MVB12B: variants seen among roughly 807,000 people sequenced by gnomAD.
MVB12B encodes the protein ESCRT-I complex subunit MVB12B.
In MVB12B, 16 loss-of-function variants were observed where a neutral mutation model predicts 41.6. That is an observed-to-expected ratio of 0.38 (90% confidence interval 0.26 to 0.58). The LOEUF (loss-of-function observed/expected upper bound fraction) is 0.58. Among genes scored for constraint, MVB12B ranks in the 20% least tolerant of loss-of-function variants. The probability of loss-of-function intolerance (pLI) is 0.62; values close to 1 mark genes in which losing one functional copy is unlikely to be tolerated. For synonymous variants in MVB12B, 133 were observed against 139.7 expected (o/e 0.95, Z 0.34); for missense variants, 274 against 380.2 (o/e 0.72, Z 2.32).
chr9:126,404,112 C>A (rs948825492), intron 6 of MVB12B, among the ~76,000 whole-genome samples: 2 of 151,988 alleles, frequency 1.3e-5, no homozygotes, highest in African/African-American at 4.8e-5. Context: ...TGCCACCACG[C>A]CTAGCTAATT....
At chr9:126,471,416 G>C (rs927050077) in intron 7 of MVB12B, among the ~76,000 whole-genome samples, 1 of 152,202 alleles carries the variant, frequency 6.6e-6, no homozygotes. Context: ...CGGGGGACTC[G>C]GGAGGCTCCG....
chr9:126,441,328 T>C (rs1482503485), intron 7 of MVB12B, among the ~76,000 whole-genome samples: 1 of 152,184 alleles, frequency 6.6e-6, no homozygotes, highest in Non-Finnish European at 1.5e-5. Flanking sequence ...AATGAATTAC[T>C]CTCACTAGGA....
chr9:126,490,576 G>A (rs953645382), intron 9 of MVB12B, among the ~76,000 whole-genome samples: 1 of 152,182 alleles, frequency 6.6e-6, no homozygotes, highest in African/African-American at 2.4e-5. Context: ...ACATTAGCCT[G>A]CCGCACTCCT....
At chr9:126,492,924 C>A (rs933222027) in intron 9 of MVB12B, among the ~76,000 whole-genome samples, 1 of 152,190 alleles carries the variant, frequency 6.6e-6, no homozygotes, top group Non-Finnish European at 1.5e-5. Flanking sequence ...CTCACGCGAG[C>A]GTCTTCTGCT....
Position 126,459,762 on chromosome 9 carries a change from C to A in MVB12B, c.758-21607C>A, listed in dbSNP as rs905817529. 1.3e-5 allele frequency among the ~76,000 whole-genome samples: 2 copies of A among 152,230 alleles called. No individual in the cohort carries two copies. Among genetic ancestry groups the A allele is most frequent in the East Asian group, 3.9e-4 (2 of 5,164 alleles). On this transcript the variant is annotated intron_variant, in intron 7 of 9. Coordinates refer to ENST00000361171, the MANE Select transcript of MVB12B (RefSeq NM_033446.3). This position sits in a 1 kb window ranked among gnomAD's most constrained non-coding sequence, Gnocchi z 4.3. ...AGGGGCCGCGCTCACCTGCACCCATCCTTGCCTGCCCCGCTCACTTGGACC... is the reference window on the plus strand; with the variant it reads ...AGGGGCCGCGCTCACCTGCACCCATACTTGCCTGCCCCGCTCACTTGGACC...
In MVB12B at chr9:126,376,332, C is replaced by G. The variant is rs560687979; in HGVS notation, c.205-4732C>G. 4.1e-4 allele frequency: 159 copies of G among 390,358 alleles called. No homozygotes were observed. Among genetic ancestry groups the G allele is most frequent in the African/African-American group, 2.9e-3 (141 of 47,928 alleles). 24.2% of individuals were successfully genotyped at this position (390,358 alleles called of 1,614,324 possible). ...TCTCTGTCCTGAGCCGGCACTGTTTCCCCCTATTCTCTTTGCTACCTTCAA... is the reference window on the plus strand; with the variant it reads ...TCTCTGTCCTGAGCCGGCACTGTTTGCCCCTATTCTCTTTGCTACCTTCAA... On this transcript the variant is annotated intron_variant, in intron 2 of 9. Coordinates refer to ENST00000361171, the MANE Select transcript of MVB12B (RefSeq NM_033446.3). The surrounding 1 kb of genome is among the most constrained non-coding windows in gnomAD (Gnocchi z 4.1).
chr9:126,329,392 C>A (rs1053379056), intron 1 of MVB12B, among the ~76,000 whole-genome samples: 2 of 152,212 alleles, frequency 1.3e-5, no homozygotes, highest in African/African-American at 4.8e-5. Flanking sequence ...AGCAGCAGAT[C>A]ATGGTGTTTT....
intron 9 of MVB12B, among the ~76,000 whole-genome samples, chr9:126,493,383 C>A (rs1320467486): frequency 1.3e-5 from 2 of 152,084 alleles, no homozygotes; most frequent in African/African-American, 4.8e-5. Context: ...TTTCTTGATT[C>A]CGTTCTGCTC....
At chr9:126,494,200 C>T (rs1164190642) in intron 9 of MVB12B, among the ~76,000 whole-genome samples, 1 of 151,964 alleles carries the variant, frequency 6.6e-6, no homozygotes, top group Non-Finnish European at 1.5e-5. Context: ...TTGAATCATC[C>T]ATTGAGATGA....
chr9:126,473,109 G>A lies in MVB12B; in HGVS notation c.758-8260G>A, dbSNP rs1280698118. On this transcript the variant is annotated intron_variant, in intron 7 of 9. Coordinates refer to ENST00000361171, the MANE Select transcript of MVB12B (RefSeq NM_033446.3). The surrounding 1 kb of genome is among the most constrained non-coding windows in gnomAD (Gnocchi z 4.0). ...ACGTGGTGGGTGCTTTATCTCTGTC[G>A]TCTTATTTCATTTTTCTTCACCCTC... Among the ~76,000 whole-genome samples, 9 of 152,242 alleles carry A rather than the reference G, an allele frequency of 5.9e-5. No individual in the cohort carries two copies. The highest frequency in any genetic ancestry group is 4.1e-4 in the South Asian group (2 of 4,824).
At chr9:126,477,164 G>A (rs1403353643) in intron 7 of MVB12B, among the ~76,000 whole-genome samples, 1 of 152,108 alleles carries the variant, frequency 6.6e-6, no homozygotes, top group Non-Finnish European at 1.5e-5. Context: ...CATGGCCAGA[G>A]CAGGAGTGAG....
Position 126,481,356 on chromosome 9 carries a change from T to C in MVB12B, c.758-13T>C. ...ATACCTTTAATGCCATCTTTTTTTT[T>C]CTTCTTTTGCAGCAATGGATGGTGT... On this transcript the variant is annotated splice_polypyrimidine_tract_variant and intron_variant, in intron 7 of 9. Transcript: ENST00000361171. 1 of 1,610,806 alleles carries C rather than the reference T, an allele frequency of 6.2e-7. No homozygotes were observed. Among genetic ancestry groups the C allele is most frequent in the East Asian group, 2.2e-5 (1 of 44,870 alleles).
At chr9:126,346,736 A>C (rs555972910) in intron 2 of MVB12B, among the ~76,000 whole-genome samples, 1 of 152,220 alleles carries the variant, frequency 6.6e-6, no homozygotes, top group African/African-American at 2.4e-5. Flanking sequence ...GGAGGCACTC[A>C]AAAGGGGACT....
chr9:126,476,529 C>G (rs554772101), intron 7 of MVB12B, among the ~76,000 whole-genome samples: 1 of 152,134 alleles, frequency 6.6e-6, no homozygotes, highest in Non-Finnish European at 1.5e-5. Flanking sequence ...CATATGCATA[C>G]GTATGCACTT....
chr9:126,398,153 G>T (rs185738882), intron 6 of MVB12B, among the ~76,000 whole-genome samples: 46 of 151,924 alleles, frequency 3.0e-4, no homozygotes, highest in African/African-American at 1.1e-3. Flanking sequence ...TTCTCTCCCG[G>T]GAAGCCCTCC....
In MVB12B at chr9:126,503,504, C is replaced by T. The variant is rs912594628; in HGVS notation, c.*241C>T. Reference sequence around the variant, plus strand: ...ACTAATCTGTGTGTGCTGTAGTGACCAGCGGCTCCTAACGTGTCTGTGTGA... The same window carrying T: ...ACTAATCTGTGTGTGCTGTAGTGACTAGCGGCTCCTAACGTGTCTGTGTGA... On this transcript the variant is annotated 3_prime_UTR_variant, in exon 10 of 10. Transcript: ENST00000361171. 3 of 560,558 alleles carry T rather than the reference C, an allele frequency of 5.4e-6. No homozygotes were observed. Among genetic ancestry groups the T allele is most frequent in the Non-Finnish European group, 6.3e-6 (2 of 315,102 alleles). The allele number at this position is 560,558 out of a possible 1,614,324, so 34.7% of individuals were successfully genotyped here.
intron 6 of MVB12B, among the ~76,000 whole-genome samples, chr9:126,398,857 T>C (rs1175852215): frequency 6.6e-6 from 1 of 151,856 alleles, no homozygotes; most frequent in African/African-American, 2.4e-5. Flanking sequence ...CCATTTCTTG[T>C]GTCATCGCTC....
chr9:126,392,496 C>T lies in MVB12B; in HGVS notation c.539+301C>T, dbSNP rs868344645. 5.3e-5 allele frequency among the ~76,000 whole-genome samples: 8 copies of T among 152,184 alleles called. No individual in the cohort carries two copies. The highest frequency in any genetic ancestry group is 9.7e-5 in the African/African-American group (4 of 41,438). On this transcript the variant is annotated intron_variant, in intron 5 of 9. Coordinates refer to ENST00000361171, the MANE Select transcript of MVB12B (RefSeq NM_033446.3). This position sits in a 1 kb window ranked among gnomAD's most constrained non-coding sequence, Gnocchi z 4.8. The stretch of plus-strand genomic sequence containing the variant: ...GCCACTGGCCTCAGCTCTTCACACT[C>T]GTTATTCACCCTAGGAAAGGTCACA...
intron 6 of MVB12B, among the ~76,000 whole-genome samples, chr9:126,411,080 G>A (rs144142815): frequency 0.01 from 1,551 of 152,000 alleles, 33 homozygotes; most frequent in African/African-American, 0.036. Flanking sequence ...GTAGAAACGG[G>A]GTTTCACCAT....
Sources: allele counts gnomAD v4.1 joint callset (sites outside exome capture counted in the v4.1 genomes callset), GRCh38; gene constraint gnomAD v4.1.1; non-coding constraint Gnocchi (gnomAD v3.1); transcripts MANE v1.5; gene names NCBI Gene and HGNC (gene_info 2026-07-23, HGNC 2026-07-21).